The following USP8 variants were observed in gnomAD, a reference collection of about 807,000 sequenced individuals.
USP8 encodes ubiquitin carboxyl-terminal hydrolase 8.
Under a neutral mutation model 130.0 loss-of-function variants are expected in USP8, and 27 were observed. The observed-to-expected ratio is 0.21, with a 90% CI of 0.15 to 0.29. The LOEUF is 0.29. USP8 is among the 10% of genes least tolerant of loss of function. The pLI is 1.00. For synonymous variants in USP8, 392 were observed against 444.1 expected, an observed-to-expected ratio of 0.88 and a Z score of 1.48; for missense variants, 1,029 against 1,312.2, an observed-to-expected ratio of 0.78 and a Z score of 3.33.
chr15:50,476,704 T>C, intron 8 of USP8, 145 bp from the exon 9 acceptor site: 1 of 859,762 alleles, frequency 1.2e-6, no homozygotes, highest in Non-Finnish European at 1.6e-6. Flanking sequence ...CATTTAATGT[T>C]GAATTTTGAA....
At chr15:50,458,266 C>T in intron 4 of USP8, among the ~76,000 whole-genome samples, 1 of 152,178 alleles carries the variant, frequency 6.6e-6, no homozygotes, top group East Asian at 1.9e-4. Context: ...ATTCTCCTGC[C>T]TCAGCTTCCC....
rs2052609289 is a variant in USP8, at chr15:50,502,746, C to T, written c.*3658C>T. 1 of 152,308 alleles carries T rather than the reference C, an allele frequency of 6.6e-6. No individual in the cohort carries two copies. The highest frequency in any genetic ancestry group is 1.5e-5 in the Non-Finnish European group (1 of 68,114). The allele number at this position is 152,308 out of a possible 1,614,324, so 9.4% of individuals were successfully genotyped here. A position where few individuals can be genotyped will look rare whatever the true frequency, so the allele number is the denominator to read the frequency against. ...TTCCTAGGCACAAGCAGTCCTCTCA[C>T]TTCAGGCCCCCAAATAGCTGGGACT... On this transcript the variant is annotated 3_prime_UTR_variant, in exon 20 of 20. Coordinates refer to ENST00000307179, the MANE Select transcript of USP8 (RefSeq NM_005154.5).
intron 8 of USP8, among the ~76,000 whole-genome samples, chr15:50,473,409 T>C (rs994822100): frequency 2.0e-5 from 3 of 152,184 alleles, no homozygotes; most frequent in Non-Finnish European, 4.4e-5. Flanking sequence ...GTTTGGAGAA[T>C]AGTGACAAGA....
Position 50,498,932 on chromosome 15 carries a change from C to T in USP8, c.3201C>T (p.His1067=). The change falls in exon 20 of 20, where the codon CAC becomes CAT. Residue 1067 remains histidine, a synonymous_variant. Coordinates refer to ENST00000307179, the MANE Select transcript of USP8 (RefSeq NM_005154.5). ...ACTACGGTGGGCTGGATGGAGGCCA[C>T]TACACAGCCTATTGTAAAAATGCAG... The part of the protein sequence containing the change: ...SNHYGGLDGG[H]YTAYCKNAAR... The T allele has an allele frequency of 1.2e-6, 2 of 1,613,542 alleles. No homozygotes were observed. The highest frequency in any genetic ancestry group is 1.3e-5 in the African/African-American group (1 of 74,984).
intron 4 of USP8, among the ~76,000 whole-genome samples, chr15:50,453,860 C>CTTTTTTTTTTTTTTT (rs71124355): frequency 2.3e-5 from 2 of 86,962 alleles, no homozygotes; most frequent in African/African-American, 4.5e-5. Context: ...TGGGAATATT[C>CTTTTTTTTTTTTTTT]TTTTTTTTTT....
intron 8 of USP8, among the ~76,000 whole-genome samples, chr15:50,472,356 G>T (rs919082597): frequency 2.6e-5 from 4 of 151,822 alleles, no homozygotes; most frequent in African/African-American, 9.7e-5. Flanking sequence ...AGCACTTTGG[G>T]AGGCTGAGGT....
chr15:50,476,753 T>G, intron 8 of USP8, 96 bp from the exon 9 acceptor site: 1 of 1,319,494 alleles, frequency 7.6e-7, no homozygotes, highest in Non-Finnish European at 1.0e-6. Flanking sequence ...AGATAAATTT[T>G]GTCCTTAAGG....
intron 1 of USP8, 22 bp from the exon 2 acceptor site, chr15:50,438,986 AT>A: frequency 1.0e-6 from 1 of 958,546 alleles, no homozygotes; most frequent in Non-Finnish European, 1.6e-6. Flanking sequence ...GAAAATTAGT[AT>A]AATTATTTGT....
intron 12 of USP8, 73 bp from the exon 13 acceptor site, chr15:50,489,728 A>G (rs1187694735): frequency 3.6e-6 from 4 of 1,101,862 alleles, no homozygotes; most frequent in Non-Finnish European, 4.9e-6. Flanking sequence ...AAGTTTTTAT[A>G]TGACAAAATT....
intron 5 of USP8, among the ~76,000 whole-genome samples, chr15:50,460,301 C>CTTTTTTTTTTTTTT (rs1168064692): frequency 1.3e-5 from 1 of 77,362 alleles, no homozygotes; most frequent in Non-Finnish European, 2.4e-5. Context: ...CCTGGCTCTT[C>CTTTTTTTTTTTTTT]TTTTTTTTTT....
At position 50,471,639 on chromosome 15, in the gene USP8, T is replaced by C; in HGVS notation, c.693T>C (p.Thr231=). ...AAATATTAATACATTTCAGAGTCAC[T>C]GCTAGTTGGATTGAAGCACACCTGC... is the stretch of plus-strand genomic sequence containing the variant. ...VPEEAISPGV[T]ASWIEAHLPD... is the part of the protein sequence containing the mutation. The change falls in exon 8 of 20, where the codon ACT becomes ACC. Residue 231 remains threonine (T), a synonymous_variant. Transcript: ENST00000307179. 6.2e-7 allele frequency: 1 copy of C among 1,612,584 alleles called. No homozygotes were observed. The highest frequency in any genetic ancestry group is 8.5e-7 in the Non-Finnish European group (1 of 1,179,796).
intron 4 of USP8, among the ~76,000 whole-genome samples, chr15:50,451,479 ACTT>A (rs2141268819): frequency 6.6e-6 from 1 of 152,306 alleles, no homozygotes; most frequent in African/African-American, 2.4e-5. Context: ...TTAGATATTT[ACTT>A]CTTATGGCCT....
At chr15:50,433,894 T>A (rs147915713) in intron 1 of USP8, among the ~76,000 whole-genome samples, 3 of 152,332 alleles carry the variant, frequency 2.0e-5, no homozygotes, top group African/African-American at 7.2e-5. Flanking sequence ...CGTGAGCCAC[T>A]GTGCACGGCT....
intron 5 of USP8, among the ~76,000 whole-genome samples, chr15:50,460,301 CTTTTTTTTTT>C (rs1168064692): frequency 1.3e-5 from 1 of 77,362 alleles, no homozygotes; most frequent in African/African-American, 5.3e-5. Flanking sequence ...CCTGGCTCTT[CTTTTTTTTTT>C]TTTTTTTTTT....
chr15:50,489,276 G>A (rs1335737526), intron 12 of USP8, among the ~76,000 whole-genome samples: 1 of 152,136 alleles, frequency 6.6e-6, no homozygotes, highest in Non-Finnish European at 1.5e-5. Flanking sequence ...AGATAATGAA[G>A]TTTTGTAGCC....
intron 14 of USP8, 90 bp downstream of exon 14, chr15:50,490,615 T>G: frequency 6.7e-7 from 1 of 1,493,782 alleles, no homozygotes; most frequent in Non-Finnish European, 8.9e-7. Context: ...TGTCAGGGAG[T>G]TGGAAATTTC....
intron 7 of USP8, among the ~76,000 whole-genome samples, chr15:50,468,330 G>A (rs2051263047): frequency 1.3e-5 from 2 of 150,238 alleles, no homozygotes; most frequent in Admixed American, 1.4e-4. Flanking sequence ...CTGCCTTCTG[G>A]GTTCAATTGA....
chr15:50,478,864 G>A (rs1259027320), intron 10 of USP8, among the ~76,000 whole-genome samples: 2 of 152,086 alleles, frequency 1.3e-5, no homozygotes, highest in Admixed American at 6.5e-5. Flanking sequence ...AGACCAGCCT[G>A]GTCAACATGG....
chr15:50,512,744 A>C lies in USP8; in HGVS notation c.*13656A>C, dbSNP rs1464732022. On this transcript the variant is annotated 3_prime_UTR_variant, in exon 20 of 20. Transcript: ENST00000307179. ...GGGGTGGAGGTTGCAGTGAGCCGAG[A>C]TCACACCACCGCACTCCAGCCTGGG... The C allele has an allele frequency of 6.6e-6, 1 of 152,034 alleles. No homozygotes were observed. 9.4% of individuals were successfully genotyped at this position (152,034 alleles called of 1,614,324 possible). A position where few individuals can be genotyped will look rare whatever the true frequency, so the allele number is the denominator to read the frequency against.
Sources: allele counts gnomAD v4.1 joint callset (sites outside exome capture counted in the v4.1 genomes callset), GRCh38; gene constraint gnomAD v4.1.1; transcripts MANE v1.5; gene names NCBI Gene and HGNC (gene_info 2026-07-23, HGNC 2026-07-21).